Variants in NPAS3 observed in about 807,000 individuals in gnomAD.
NPAS3 encodes neuronal PAS domain protein 3, also known as neuronal PAS domain-containing protein 3.
In NPAS3, 14 loss-of-function variants were observed where a neutral mutation model predicts 73.1. The observed-to-expected ratio is 0.19, with a 90% confidence interval of 0.13 to 0.30. The LOEUF (loss-of-function observed/expected upper bound fraction) is 0.30, where lower values mean the gene tolerates loss of function less well. Among genes scored for constraint, NPAS3 ranks in the 10% least tolerant of loss-of-function variants. NPAS3 has a pLI of 1.00. For synonymous variants in NPAS3, 620 were observed against 541.5 expected (o/e 1.14, Z -2.01); for missense variants, 1,096 against 1,250.0 (o/e 0.88, Z 1.86).
intron 1 of NPAS3, among the ~76,000 whole-genome samples, chr14:32,995,135 C>G (rs932949817): frequency 6.6e-6 from 1 of 152,206 alleles, no homozygotes; most frequent in African/African-American, 2.4e-5. Context: ...GGCTCAAACC[C>G]TCATCCGTTG....
intron 9 of NPAS3, chr14:33,780,812 T>C: frequency 3.6e-6 from 1 of 280,006 alleles, no homozygotes; most frequent in Non-Finnish European, 7.1e-6. Context: ...ACTATTGTGC[T>C]ATTCTCCTAA....
At chr14:33,768,943 T>A (rs2062552699) in intron 7 of NPAS3, among the ~76,000 whole-genome samples, 1 of 152,196 alleles carries the variant, frequency 6.6e-6, no homozygotes, top group Non-Finnish European at 1.5e-5. Context: ...ATGTTAGCAC[T>A]GGGATTGGTG....
intron 5 of NPAS3, among the ~76,000 whole-genome samples, chr14:33,626,564 G>A (rs1032162948): frequency 2.6e-5 from 4 of 152,170 alleles, no homozygotes; most frequent in Non-Finnish European, 2.9e-5. Context: ...ATAGCATCAT[G>A]GAAGCACAGA....
chr14:33,125,603 G>C (rs2043399058), intron 2 of NPAS3, among the ~76,000 whole-genome samples: 1 of 152,042 alleles, frequency 6.6e-6, no homozygotes, highest in Non-Finnish European at 1.5e-5. Flanking sequence ...CTTTTAAGAA[G>C]TTCCCGATGT....
chr14:33,504,505 A>G (rs2052666114), intron 4 of NPAS3, among the ~76,000 whole-genome samples: 1 of 152,036 alleles, frequency 6.6e-6, no homozygotes, highest in African/African-American at 2.4e-5. Context: ...ATTCTCTAAC[A>G]GTCCCTTTGT....
chr14:33,687,187 C>G (rs888951115), intron 6 of NPAS3, among the ~76,000 whole-genome samples: 4 of 152,114 alleles, frequency 2.6e-5, no homozygotes, highest in African/African-American at 7.2e-5. Context: ...TCACACATGA[C>G]TGGAATCGAT....
chr14:32,948,564 T>G (rs1026955817), intron 1 of NPAS3, among the ~76,000 whole-genome samples: 3 of 152,148 alleles, frequency 2.0e-5, no homozygotes, highest in Non-Finnish European at 4.4e-5. Context: ...GCCATCAGTT[T>G]ACGAGCAATG....
intron 4 of NPAS3, among the ~76,000 whole-genome samples, chr14:33,441,182 G>T (rs1364287305): frequency 6.6e-6 from 1 of 152,154 alleles, no homozygotes; most frequent in Admixed American, 6.5e-5. Flanking sequence ...TTTTAACACT[G>T]TTAATTTCTT....
rs578049169 is a variant in NPAS3, at chr14:33,144,979, C to CA, written c.141-70201dup. Among the ~76,000 whole-genome samples, 15 of 152,316 alleles carry CA rather than the reference C, an allele frequency of 9.8e-5. No homozygotes were observed. The East Asian group carries it at 2.9e-3, about 29-fold the overall frequency. On this transcript the variant is annotated intron_variant, in intron 2 of 11. Transcript: ENST00000356141. Reference sequence around the variant, plus strand: ...TATTATTGTTATCATACTTGAATTACAACTTGGTTTGTTACAAAATTTTCG... The same window carrying CA: ...TATTATTGTTATCATACTTGAATTACAAACTTGGTTTGTTACAAAATTTTCG...
intron 4 of NPAS3, among the ~76,000 whole-genome samples, chr14:33,373,697 A>G (rs1457689431): frequency 6.6e-6 from 1 of 152,136 alleles, no homozygotes; most frequent in Non-Finnish European, 1.5e-5. Context: ...TTGCTTGGCC[A>G]TATTAGGTAA....
intron 6 of NPAS3, among the ~76,000 whole-genome samples, chr14:33,711,987 C>A (rs545130549): frequency 6.6e-6 from 1 of 152,266 alleles, no homozygotes; most frequent in African/African-American, 2.4e-5. Flanking sequence ...CTGTGCTGAC[C>A]CACTTCGAGC....
chr14:33,566,229 C>CT (rs2055927986), intron 5 of NPAS3, among the ~76,000 whole-genome samples: 1 of 151,298 alleles, frequency 6.6e-6, no homozygotes, highest in African/African-American at 2.4e-5. Context: ...TGATTTTTCC[C>CT]CCCCGAAAAT....
intron 6 of NPAS3, among the ~76,000 whole-genome samples, chr14:33,718,232 T>C (rs2140527991): frequency 6.6e-6 from 1 of 152,280 alleles, no homozygotes; most frequent in Middle Eastern, 3.4e-3. Flanking sequence ...TTGTTGTCAC[T>C]TTGTCTGTGT....
chr14:33,020,563 TCA>T (rs2039555372), intron 1 of NPAS3, among the ~76,000 whole-genome samples: 2 of 152,154 alleles, frequency 1.3e-5, no homozygotes, highest in South Asian at 4.1e-4. Flanking sequence ...ATTTTTTGGA[TCA>T]GAGTTCCTTT....
intron 3 of NPAS3, among the ~76,000 whole-genome samples, chr14:33,354,372 T>C (rs1260340890): frequency 6.6e-6 from 1 of 152,216 alleles, no homozygotes; most frequent in Non-Finnish European, 1.5e-5. Context: ...CTCCTTAAAA[T>C]GTCCTCTCTT....
At chr14:33,110,925 C>T (rs1213322066) in intron 2 of NPAS3, among the ~76,000 whole-genome samples, 1 of 152,096 alleles carries the variant, frequency 6.6e-6, no homozygotes, top group Admixed American at 6.5e-5. Flanking sequence ...AGGCACTACC[C>T]ACAGGACTGC....
chr14:33,276,064 T>C (rs1430826378), intron 3 of NPAS3, among the ~76,000 whole-genome samples: 1 of 152,142 alleles, frequency 6.6e-6, no homozygotes, highest in East Asian at 1.9e-4. Flanking sequence ...TGTTCTGAGA[T>C]GAACTGTGTC....
intron 7 of NPAS3, among the ~76,000 whole-genome samples, chr14:33,750,311 C>T (rs1290502733): frequency 6.6e-6 from 1 of 151,086 alleles, no homozygotes; most frequent in Non-Finnish European, 1.5e-5. Context: ...TCATCACTGA[C>T]ATCAAAAATG....
At chr14:33,070,782 T>C (rs566604669) in intron 2 of NPAS3, among the ~76,000 whole-genome samples, 12 of 152,346 alleles carry the variant, frequency 7.9e-5, no homozygotes, top group Non-Finnish European at 1.3e-4. Context: ...GCTGACTGTT[T>C]AGCACAATAT....
Sources: gnomAD v4.1 joint callset for allele counts (sites outside exome capture counted in the v4.1 genomes callset) on GRCh38, gnomAD v4.1.1 for gene constraint, MANE v1.5 for transcripts, NCBI Gene and HGNC (gene_info 2026-07-23, HGNC 2026-07-21) for gene names.